The following LBHD2 variants were observed in gnomAD, a reference collection of about 807,000 sequenced individuals.
LBHD2 encodes the protein LBH domain containing 2, also known as LBH domain-containing protein 2.
chr14:103,089,049 G>A (rs72706627), intron 3 of LBHD2, among the ~76,000 whole-genome samples: 1 of 152,192 alleles, frequency 6.6e-6, no homozygotes, highest in African/African-American at 2.4e-5. Flanking sequence ...GGCAGCCGGC[G>A]CCAGGCCCAA....
intron 3 of LBHD2, among the ~76,000 whole-genome samples, chr14:103,089,427 T>C (rs986829293): frequency 1.3e-5 from 2 of 152,130 alleles, no homozygotes; most frequent in Non-Finnish European, 1.5e-5. Flanking sequence ...CCCCTGGGAC[T>C]TGGGCTCTGG....
chr14:103,087,417 G>A (rs1046039954), intron 2 of LBHD2, among the ~76,000 whole-genome samples: 5 of 152,348 alleles, frequency 3.3e-5, no homozygotes, highest in South Asian at 2.1e-4. Context: ...CCATCTGCCC[G>A]AGCACAGGCG....
In LBHD2 at chr14:103,086,920, G is replaced by A. The variant is rs994202817; in HGVS notation, c.69+839G>A. On this transcript the variant is annotated intron_variant, in intron 2 of 3. Transcript: ENST00000634353. ...GGACAGAGGTGAGCACCAGGACTCC[G>A]AGCTGCAAACGCTGCTGGCCTGGAC... Among the ~76,000 whole-genome samples the A allele has an allele frequency of 5.3e-5, 8 of 152,298 alleles. 1 individual carries two copies. The highest frequency in any genetic ancestry group is 1.4e-4 in the African/African-American group (6 of 41,558).
chr14:103,088,070 C>T lies in LBHD2; in HGVS notation c.70-15C>T, dbSNP rs1023096783. The T allele has an allele frequency of 2.5e-6, 1 of 398,746 alleles. No homozygotes were observed. Among genetic ancestry groups the T allele is most frequent in the Non-Finnish European group, 4.4e-6 (1 of 226,262 alleles). 24.7% of individuals were successfully genotyped at this position (398,746 alleles called of 1,614,324 possible). A position where few individuals can be genotyped will look rare whatever the true frequency, so the allele number is the denominator to read the frequency against. On this transcript the variant is annotated splice_polypyrimidine_tract_variant and intron_variant, in intron 2 of 3. Coordinates refer to ENST00000634353, the MANE Select transcript of LBHD2 (RefSeq NM_001330236.2). ...AGGCCTGGCATGGCCATGATCCTGC[C>T]CATCCTCCTTGCAGGCTGTGGCAGG... is the stretch of plus-strand genomic sequence containing the variant.
chr14:103,086,756 T>C (rs1041444425), intron 2 of LBHD2, among the ~76,000 whole-genome samples: 1 of 151,428 alleles, frequency 6.6e-6, no homozygotes, highest in African/African-American at 2.4e-5. Flanking sequence ...AGCCTTAGTA[T>C]TCTGAGTGCT....
intron 1 of LBHD2, among the ~76,000 whole-genome samples, chr14:103,084,868 G>A (rs1277636936): frequency 2.6e-5 from 4 of 152,122 alleles, no homozygotes; most frequent in African/African-American, 9.7e-5. Context: ...CTGAGTTCTG[G>A]GGTCCTGGGA....
Position 103,089,789 on chromosome 14 carries a change from C to T in LBHD2, c.319C>T (p.Arg107Trp), listed in dbSNP as rs543325747. The change falls in exon 4 of 4, where the codon CGG becomes TGG. Residue 107 changes from arginine to tryptophan, a missense_variant. Physicochemically the swap from Arg to Trp is moderately radical, Grantham distance 101 (BLOSUM62 -3). Transcript: ENST00000634353. Reference protein sequence around the residue: ...ACSEDPAAPARG With the variant: ...ACSEDPAAPAWG ...CTCCGAGGACCCAGCAGCCCCGGCC[C>T]GGGGATAGGACAAGGACGTGGCTGG... 169 of 398,520 alleles carry T rather than the reference C, an allele frequency of 4.2e-4. No homozygotes were observed. The highest frequency in any genetic ancestry group is 6.6e-4 in the Non-Finnish European group (149 of 226,068). 24.7% of individuals were successfully genotyped at this position (398,520 alleles called of 1,614,324 possible).
intron 2 of LBHD2, among the ~76,000 whole-genome samples, chr14:103,086,491 G>T (rs1023273272): frequency 6.6e-6 from 1 of 152,162 alleles, no homozygotes; most frequent in East Asian, 1.9e-4. Context: ...GATTACAGGC[G>T]TGAGCCACTG....
At chr14:103,089,267 A>G (rs1407340849) in intron 3 of LBHD2, among the ~76,000 whole-genome samples, 1 of 152,086 alleles carries the variant, frequency 6.6e-6, no homozygotes, top group Non-Finnish European at 1.5e-5. Flanking sequence ...TCCCATCCCC[A>G]GACCTCAGCC....
At chr14:103,089,631 C>A (rs955374005) in intron 3 of LBHD2, 66 bp from the exon 4 acceptor site, 13 of 398,356 alleles carry the variant, frequency 3.3e-5, no homozygotes, top group African/African-American at 2.7e-4. Flanking sequence ...TCATTTCGGG[C>A]CCCTGGGATC....
At chr14:103,085,321 A>T (rs943812708) in intron 1 of LBHD2, among the ~76,000 whole-genome samples, 4 of 151,976 alleles carry the variant, frequency 2.6e-5, no homozygotes, top group Non-Finnish European at 4.4e-5. Context: ...CCAAGAGCCC[A>T]CACGGCCCGA....
At chr14:103,087,982 A>G in intron 2 of LBHD2, 103 bp from the exon 3 acceptor site, 1 of 395,878 alleles carries the variant, frequency 2.5e-6, no homozygotes, top group Non-Finnish European at 4.4e-6. Flanking sequence ...CTGGGTGGGA[A>G]GGGTCTCTGA....
At chr14:103,089,181 C>A (rs917515906) in intron 3 of LBHD2, among the ~76,000 whole-genome samples, 9 of 152,132 alleles carry the variant, frequency 5.9e-5, no homozygotes, top group Admixed American at 4.6e-4. Flanking sequence ...CCCCTGGAGA[C>A]CCCTGGGAGT....
intron 3 of LBHD2, 149 bp from the exon 4 acceptor site, chr14:103,089,548 C>T (rs930346310): frequency 2.5e-5 from 10 of 396,534 alleles, no homozygotes; most frequent in South Asian, 1.4e-4. Flanking sequence ...CCTCCCTGGC[C>T]GAGCACCCCT....
At chr14:103,087,523 G>A (rs185726814) in intron 2 of LBHD2, among the ~76,000 whole-genome samples, 2 of 152,364 alleles carry the variant, frequency 1.3e-5, no homozygotes, top group East Asian at 3.9e-4. Flanking sequence ...TTGAACGGGA[G>A]GTGGAGATGC....
intron 1 of LBHD2, among the ~76,000 whole-genome samples, chr14:103,085,172 A>C (rs1889617092): frequency 6.6e-6 from 1 of 152,084 alleles, no homozygotes; most frequent in Admixed American, 6.5e-5. Context: ...CGTCACAGGC[A>C]TTCCATCCTG....
chr14:103,086,662 G>GC (rs1889638728), intron 2 of LBHD2, among the ~76,000 whole-genome samples: 1 of 152,012 alleles, frequency 6.6e-6, no homozygotes, highest in African/African-American at 2.4e-5. Context: ...AGGGTTCCCT[G>GC]CCCCTAGTGT....
chr14:103,088,343 C>T (rs371049717), intron 3 of LBHD2, 102 bp downstream of exon 3: 7 of 397,878 alleles, frequency 1.8e-5, no homozygotes, highest in Admixed American at 8.8e-5. Flanking sequence ...AAGGCCTTCC[C>T]GCCTCCTGCC....
rs12882976 is a variant in LBHD2 at position 103,089,765 on chromosome 14, T to G, written c.295T>G (p.Ser99Ala). ...TAACGCTGGCAGCGAGTGTGCCTGC[T>G]CCGAGGACCCAGCAGCCCCGGCCCG... ...ADNAGSECACSEDPAAPARG is the reference protein window; with the variant it reads ...ADNAGSECACAEDPAAPARG Residue 99 changes from serine to alanine, a missense_variant, in exon 4 of 4, where the codon TCC becomes GCC. Coordinates refer to ENST00000634353, the MANE Select transcript of LBHD2 (RefSeq NM_001330236.2). 153,492 of 398,504 alleles carry G rather than the reference T, an allele frequency of 0.39. 31,896 individuals are homozygous for G. Among genetic ancestry groups the G allele is most frequent in the Middle Eastern group, 0.47 (751 of 1,590 alleles). The allele number at this position is 398,504 out of a possible 1,614,324, so 24.7% of individuals were successfully genotyped here. A position where few individuals can be genotyped will look rare whatever the true frequency, so the allele number is the denominator to read the frequency against.
Sources: gnomAD v4.1 joint callset for allele counts (sites outside exome capture counted in the v4.1 genomes callset) on GRCh38, gnomAD v4.1.1 for gene constraint, MANE v1.5 for transcripts, NCBI Gene and HGNC (gene_info 2026-07-23, HGNC 2026-07-21) for gene names.